The following KCNIP4 variants were observed in gnomAD, a reference collection of about 807,000 sequenced individuals.
KCNIP4 encodes the protein Kv channel-interacting protein 4.
A neutral mutation model predicts 34.0 loss-of-function variants in KCNIP4; 12 were observed. That is an observed-to-expected ratio of 0.35 (90% confidence interval 0.23 to 0.57). The LOEUF (loss-of-function observed/expected upper bound fraction) is 0.57. KCNIP4 is among the 20% of genes least tolerant of loss of function. The pLI is 0.83. For missense variants in KCNIP4, 238 were observed against 311.7 expected, an observed-to-expected ratio of 0.76 and a Z score of 1.78; for synonymous variants, 124 against 102.2, an observed-to-expected ratio of 1.21 and a Z score of -1.29.
At chr4:20,839,216 A>T (rs1377029720) in intron 3 of KCNIP4, among the ~76,000 whole-genome samples, 4 of 152,212 alleles carry the variant, frequency 2.6e-5, no homozygotes, top group African/African-American at 4.8e-5. Context: ...TAAAACTTAT[A>T]AAGTGATGTC....
At chr4:21,643,659 C>T (rs1380181107) in intron 1 of KCNIP4, among the ~76,000 whole-genome samples, 2 of 152,212 alleles carry the variant, frequency 1.3e-5, no homozygotes, top group East Asian at 1.9e-4. Flanking sequence ...CCTGATTCAA[C>T]AGTTGAAGAC....
intron 1 of KCNIP4, among the ~76,000 whole-genome samples, chr4:21,564,476 G>A (rs1351093273): frequency 6.6e-6 from 1 of 152,066 alleles, no homozygotes; most frequent in East Asian, 1.9e-4. Flanking sequence ...CATAAGTGGG[G>A]GACCTTCTAT....
chr4:21,915,761 A>C (rs947000299), intron 1 of KCNIP4, among the ~76,000 whole-genome samples: 8 of 152,188 alleles, frequency 5.3e-5, no homozygotes, highest in Admixed American at 4.6e-4. Flanking sequence ...CGATTTGTCA[A>C]ACTGTAGCTT....
chr4:21,211,122 G>A (rs1418958214), intron 1 of KCNIP4, among the ~76,000 whole-genome samples: 3 of 152,176 alleles, frequency 2.0e-5, no homozygotes, highest in African/African-American at 7.2e-5. Context: ...TCTTAATAAT[G>A]AGGATAATGT....
intron 1 of KCNIP4, among the ~76,000 whole-genome samples, chr4:21,519,667 C>CAAAT (rs1215909634): frequency 1.0e-4 from 13 of 129,850 alleles, no homozygotes; most frequent in Non-Finnish European, 1.9e-4. Flanking sequence ...TATATATACA[C>CAAAT]GTGTGTGTAT....
At chr4:21,311,256 A>G (rs1713127463) in intron 1 of KCNIP4, among the ~76,000 whole-genome samples, 1 of 152,192 alleles carries the variant, frequency 6.6e-6, no homozygotes, top group African/African-American at 2.4e-5. Flanking sequence ...TAGCCACTAT[A>G]TGGATAAGAA....
At chr4:21,134,497 T>A (rs1560752485) in intron 1 of KCNIP4, among the ~76,000 whole-genome samples, 1 of 152,166 alleles carries the variant, frequency 6.6e-6, no homozygotes, top group Non-Finnish European at 1.5e-5. Context: ...ACATGAATTT[T>A]CAACTGCAAA....
chr4:21,200,510 C>T (rs376081402), intron 1 of KCNIP4, among the ~76,000 whole-genome samples: 59 of 151,734 alleles, frequency 3.9e-4, no homozygotes, highest in African/African-American at 1.2e-3. Context: ...GAACTGGAGT[C>T]TATAATCCTA....
chr4:20,974,249 G>A (rs1408959817), intron 1 of KCNIP4, among the ~76,000 whole-genome samples: 1 of 152,080 alleles, frequency 6.6e-6, no homozygotes, highest in Non-Finnish European at 1.5e-5. Flanking sequence ...ACTGTACTAA[G>A]GTACAGTGTT....
At chr4:20,763,540 T>G (rs1039210327) in intron 3 of KCNIP4, among the ~76,000 whole-genome samples, 21 of 152,186 alleles carry the variant, frequency 1.4e-4, no homozygotes, top group Admixed American at 1.2e-3. Context: ...TCTCATTTTT[T>G]TTGTTGTTAG....
intron 1 of KCNIP4, among the ~76,000 whole-genome samples, chr4:21,311,012 G>A (rs551455147): frequency 9.2e-5 from 14 of 152,302 alleles, no homozygotes; most frequent in Non-Finnish European, 1.9e-4. Flanking sequence ...TTAAGAGTAT[G>A]CTTGGGTTTA....
intron 1 of KCNIP4, among the ~76,000 whole-genome samples, chr4:20,895,676 G>A (rs188037960): frequency 2.0e-3 from 301 of 152,274 alleles, no homozygotes; most frequent in Non-Finnish European, 3.7e-3. Context: ...TGGATATAAG[G>A]TAGACCCTGT....
At chr4:21,392,317 T>C (rs1007011176) in intron 1 of KCNIP4, among the ~76,000 whole-genome samples, 18 of 152,182 alleles carry the variant, frequency 1.2e-4, no homozygotes, top group African/African-American at 4.3e-4. Flanking sequence ...ATTAAGAAGA[T>C]TATAATTAAG....
At chr4:21,894,804 G>A (rs1485046433) in intron 1 of KCNIP4, among the ~76,000 whole-genome samples, 1 of 152,118 alleles carries the variant, frequency 6.6e-6, no homozygotes, top group African/African-American at 2.4e-5. Context: ...TTTACACAAG[G>A]CAGGGATAAA....
chr4:21,673,592 T>C (rs966921259), intron 1 of KCNIP4, among the ~76,000 whole-genome samples: 1 of 152,148 alleles, frequency 6.6e-6, no homozygotes. Flanking sequence ...TTCTAGAAAT[T>C]TAATTTACAC....
intron 1 of KCNIP4, among the ~76,000 whole-genome samples, chr4:21,512,968 T>A (rs573951731): frequency 6.6e-6 from 1 of 152,258 alleles, no homozygotes; most frequent in East Asian, 1.9e-4. Flanking sequence ...AAGGATTAGA[T>A]GAGATAACAC....
intron 1 of KCNIP4, among the ~76,000 whole-genome samples, chr4:21,603,002 C>T (rs1394138): frequency 0.69 from 104,446 of 152,042 alleles, 36,347 homozygotes; most frequent in East Asian, 0.89. Context: ...ATCTATTCAG[C>T]TTTGATTATT....
chr4:21,646,898 T>TA (rs1282049521), intron 1 of KCNIP4, among the ~76,000 whole-genome samples: 1 of 152,172 alleles, frequency 6.6e-6, no homozygotes, highest in East Asian at 1.9e-4. Flanking sequence ...AATGAGAAGG[T>TA]AAAATTTAGA....
At chr4:20,795,664 A>T (rs967557668) in intron 3 of KCNIP4, among the ~76,000 whole-genome samples, 3 of 152,188 alleles carry the variant, frequency 2.0e-5, no homozygotes, top group African/African-American at 7.2e-5. Flanking sequence ...TAATTGGTAC[A>T]TTGTTGCCTA....
Sources: gnomAD v4.1 joint callset for allele counts (sites outside exome capture counted in the v4.1 genomes callset) on GRCh38, gnomAD v4.1.1 for gene constraint, MANE v1.5 for transcripts, NCBI Gene and HGNC (gene_info 2026-07-23, HGNC 2026-07-21) for gene names.